RUBCN: variants seen among roughly 807,000 people sequenced by gnomAD.
The protein encoded by RUBCN is run domain Beclin-1-interacting and cysteine-rich domain-containing protein.
Under a neutral mutation model 113.2 loss-of-function variants are expected in RUBCN, and 74 were observed. The ratio of observed to expected loss-of-function variants is 0.65; its 90% CI spans 0.54 to 0.79. The LOEUF (loss-of-function observed/expected upper bound fraction) is 0.79. RUBCN is among the 30% of genes least tolerant of loss of function. The pLI, the probability that RUBCN is intolerant of heterozygous loss-of-function variation, is 0.00. For missense variants in RUBCN, 1,109 were observed against 1,251.7 expected, an observed-to-expected ratio of 0.89 and a Z score of 1.72; for synonymous variants, 480 against 490.0, an observed-to-expected ratio of 0.98 and a Z score of 0.27.
chr3:197,719,646 C>T (rs1485518914), intron 1 of RUBCN, among the ~76,000 whole-genome samples: 1 of 152,084 alleles, frequency 6.6e-6, no homozygotes, highest in Non-Finnish European at 1.5e-5. Context: ...GAAGAATTTC[C>T]CTTCCTCACA....
intron 2 of RUBCN, among the ~76,000 whole-genome samples, chr3:197,716,333 G>A (rs1006295864): frequency 1.3e-5 from 2 of 152,126 alleles, no homozygotes; most frequent in Non-Finnish European, 2.9e-5. Context: ...TCACCATGTT[G>A]GCCAGGCTGG....
chr3:197,736,231 G>A (rs1450812810), intron 1 of RUBCN, among the ~76,000 whole-genome samples: 7 of 152,080 alleles, frequency 4.6e-5, no homozygotes. Flanking sequence ...CTGCTCCCAG[G>A]AATTCTCACA....
chr3:197,694,870 C>T (rs1451006603), intron 9 of RUBCN, among the ~76,000 whole-genome samples: 1 of 152,184 alleles, frequency 6.6e-6, no homozygotes, highest in Non-Finnish European at 1.5e-5. Flanking sequence ...CAAAATCATA[C>T]ACCTGTACAC....
chr3:197,690,966 A>T, intron 11 of RUBCN: 1 of 555,522 alleles, frequency 1.8e-6, no homozygotes, highest in Non-Finnish European at 3.1e-6. Flanking sequence ...CAGCCCCTAC[A>T]GTCCTCGTAA....
At chr3:197,737,836 G>A (rs1177976971), upstream of RUBCN, among the ~76,000 whole-genome samples, 1 of 152,124 alleles carries the variant, frequency 6.6e-6, no homozygotes, top group Non-Finnish European at 1.5e-5. Flanking sequence ...GCTAAGAAGT[G>A]AAGCGAACCA....
chr3:197,736,725 G>A lies in RUBCN; in HGVS notation c.-6C>T. On this transcript the variant is annotated 5_prime_UTR_variant, in exon 1 of 20. Transcript: ENST00000296343. ...CCCGCGCCCTCCGGCCGCATCCGGG[G>A]CGGTGAGGCCGCCTCTTCGCCCAAG... 11 of 1,530,072 alleles carry A rather than the reference G, an allele frequency of 7.2e-6. No homozygotes were observed. The highest frequency in any genetic ancestry group is 9.6e-6 in the Non-Finnish European group (11 of 1,145,090). 94.8% of individuals were successfully genotyped at this position (1,530,072 alleles called of 1,614,324 possible). A position where few individuals can be genotyped will look rare whatever the true frequency, so the allele number is the denominator to read the frequency against.
In RUBCN at chr3:197,694,508, G is replaced by GA; in HGVS notation, c.1550_1551insT (p.Leu518ProfsTer12). ...CCTCTTCCACTTCCTCCTCCTCTAG[G>GA]CACTGGCTCATCATGTTGCACTTCA... On this transcript the variant is annotated frameshift_variant, in exon 10 of 20. Transcript: ENST00000296343. LOFTEE classifies it high-confidence loss of function. 1 of 1,614,110 alleles carries GA rather than the reference G, an allele frequency of 6.2e-7. No homozygotes were observed. The highest frequency in any genetic ancestry group is 8.5e-7 in the Non-Finnish European group (1 of 1,179,998).
chr3:197,736,575 C>A, intron 1 of RUBCN, 80 bp downstream of exon 1: 1 of 1,426,960 alleles, frequency 7.0e-7, no homozygotes, highest in South Asian at 1.2e-5. Flanking sequence ...GCCCTTCTCT[C>A]CGTGACCCCG....
chr3:197,691,121 T>A (rs1296146508), intron 11 of RUBCN: 2 of 1,289,224 alleles, frequency 1.6e-6, no homozygotes, highest in Admixed American at 4.6e-5. Context: ...CTTTGATATG[T>A]GAGTCAGGTT....
rs199871635 is a variant in RUBCN at position 197,682,704 on chromosome 3, G to A, written c.1981-89C>T. On this transcript the variant is annotated intron_variant, in intron 13 of 19. Transcript: ENST00000296343. Reference sequence around the variant, plus strand: ...TGGGCAGTGAGTCAGGGATGGGCAGGAGAAAAACACAGTTGGGGTAAGTTC... The same window carrying A: ...TGGGCAGTGAGTCAGGGATGGGCAGAAGAAAAACACAGTTGGGGTAAGTTC... The A allele has an allele frequency of 9.6e-6, 15 of 1,562,122 alleles. No homozygotes were observed. In the East Asian group the frequency reaches 2.9e-4, roughly 31 times the overall value.
At chr3:197,711,396 T>G (rs1724950718) in intron 2 of RUBCN, among the ~76,000 whole-genome samples, 1 of 152,224 alleles carries the variant, frequency 6.6e-6, no homozygotes, top group Admixed American at 6.5e-5. Flanking sequence ...AAGCTCTCTA[T>G]GTAATGATTT....
chr3:197,741,323 C>A (rs142499508), upstream of RUBCN, among the ~76,000 whole-genome samples: 1 of 152,104 alleles, frequency 6.6e-6, no homozygotes, highest in Non-Finnish European at 1.5e-5. Flanking sequence ...CCAATTTTGC[C>A]AAATGACCAA....
intron 16 of RUBCN, among the ~76,000 whole-genome samples, 158 bp downstream of exon 16, chr3:197,680,971 T>C (rs1321911974): frequency 2.1e-5 from 3 of 140,260 alleles, no homozygotes; most frequent in Non-Finnish European, 4.6e-5. Flanking sequence ...GGAAGCCCTA[T>C]ATAACCAGGG....
At chr3:197,709,776 A>G (rs1472492174) in intron 2 of RUBCN, among the ~76,000 whole-genome samples, 6 of 152,226 alleles carry the variant, frequency 3.9e-5, no homozygotes, top group African/African-American at 1.4e-4. Flanking sequence ...ATGCATAGGA[A>G]ATTAAATACA....
chr3:197,714,092 A>C (rs1291652814), intron 2 of RUBCN, among the ~76,000 whole-genome samples: 1 of 151,976 alleles, frequency 6.6e-6, no homozygotes, highest in East Asian at 1.9e-4. Flanking sequence ...AAAAGAGAAT[A>C]CAAAGACAAA....
At chr3:197,719,137 T>G (rs1725860032) in intron 1 of RUBCN, among the ~76,000 whole-genome samples, 2 of 152,176 alleles carry the variant, frequency 1.3e-5, no homozygotes, top group Non-Finnish European at 2.9e-5. Flanking sequence ...TCTGCATACC[T>G]GTGTTCTGAT....
rs964181448 is a variant in RUBCN at position 197,671,420 on chromosome 3, G to A, written c.*3598C>T. Reference sequence around the variant, plus strand: ...TGTGTGCTAGTGGCAGAAAAGTAATGAGAGATTTATTTTAGAGGAAAACAT... The same window carrying A: ...TGTGTGCTAGTGGCAGAAAAGTAATAAGAGATTTATTTTAGAGGAAAACAT... On this transcript the variant is annotated 3_prime_UTR_variant, in exon 20 of 20. Coordinates refer to ENST00000296343, the MANE Select transcript of RUBCN (RefSeq NM_014687.4). 6 of 152,228 alleles carry A rather than the reference G, an allele frequency of 3.9e-5. No individual in the cohort carries two copies. The highest frequency in any genetic ancestry group is 1.4e-4 in the African/African-American group (6 of 41,454). 9.4% of individuals were successfully genotyped at this position (152,228 alleles called of 1,614,324 possible). A position where few individuals can be genotyped will look rare whatever the true frequency, so the allele number is the denominator to read the frequency against.
chr3:197,689,194 CTAAAATA>C (rs1722163668), intron 11 of RUBCN, among the ~76,000 whole-genome samples: 1 of 151,714 alleles, frequency 6.6e-6, no homozygotes, highest in African/African-American at 2.4e-5. Context: ...ACAGCTAATT[CTAAAATA>C]TGTTTTTGTA....
intron 2 of RUBCN, among the ~76,000 whole-genome samples, chr3:197,713,321 C>G (rs1334155068): frequency 1.3e-5 from 2 of 152,130 alleles, no homozygotes; most frequent in African/African-American, 4.8e-5. Flanking sequence ...CTCTAGATGA[C>G]AGTTTAATAT....
Sources: allele counts gnomAD v4.1 joint callset (sites outside exome capture counted in the v4.1 genomes callset), GRCh38; gene constraint gnomAD v4.1.1; transcripts MANE v1.5; gene names NCBI Gene and HGNC (gene_info 2026-07-23, HGNC 2026-07-21).